TBK1: variants seen among roughly 807,000 people sequenced by gnomAD.
The protein encoded by TBK1 is TANK binding kinase 1.
TBK1 carries 37 observed loss-of-function variants against 99.9 expected under a neutral mutation model. That is an observed-to-expected ratio of 0.37 (90% confidence interval 0.28 to 0.49). The LOEUF (loss-of-function observed/expected upper bound fraction) is 0.49. Among genes scored for constraint, TBK1 ranks in the 20% least tolerant of loss-of-function variants. The pLI is 0.98. For synonymous variants in TBK1, 258 were observed against 279.8 expected (o/e 0.92, Z 0.78); for missense variants, 644 against 872.5 (o/e 0.74, Z 3.30).
chr12:64,484,882 A>T (rs914737215), intron 9 of TBK1, among the ~76,000 whole-genome samples: 1 of 152,220 alleles, frequency 6.6e-6, no homozygotes, highest in African/African-American at 2.4e-5. Context: ...AAAGAGAGTA[A>T]TTGTAAAATT....
intron 3 of TBK1, among the ~76,000 whole-genome samples, chr12:64,462,999 T>C (rs1334921400): frequency 6.6e-6 from 1 of 152,158 alleles, no homozygotes; most frequent in African/African-American, 2.4e-5. Context: ...CTCCATTCCT[T>C]GAAGTAACAG....
At chr12:64,486,507 T>A (rs180948801) in intron 11 of TBK1, among the ~76,000 whole-genome samples, 48 of 151,796 alleles carry the variant, frequency 3.2e-4, no homozygotes, top group African/African-American at 1.1e-3. Flanking sequence ...CAATCACAGA[T>A]CACTGCAGCC....
rs781034590 is a variant in TBK1, at chr12:64,481,898, A to G, written c.869A>G (p.Glu290Gly). ...VLANILEADQ[E>G]KCWGFDQFFA... Reference sequence around the variant, plus strand: ...GCAAACATCCTTGAAGCAGATCAGGAAAAGTGTTGGGGTTTTGACCAGTTT... The same window carrying G: ...GCAAACATCCTTGAAGCAGATCAGGGAAAGTGTTGGGGTTTTGACCAGTTT... Residue 290 changes from glutamate (E) to glycine (G), a missense_variant, in exon 8 of 21, where the codon GAA becomes GGA. By Grantham distance (98) the Glu-to-Gly change is moderately conservative. Transcript: ENST00000331710. The G allele has an allele frequency of 6.2e-7, 1 of 1,610,554 alleles. No homozygotes were observed. The highest frequency in any genetic ancestry group is 2.2e-5 in the East Asian group (1 of 44,506).
At position 64,488,556 on chromosome 12, in the gene TBK1, C is replaced by T; in HGVS notation, c.1410C>T (p.Phe470=). 1 of 1,605,754 alleles carries T rather than the reference C, an allele frequency of 6.2e-7. No homozygotes were observed. Among genetic ancestry groups the T allele is most frequent in the Non-Finnish European group, 8.5e-7 (1 of 1,176,806 alleles). The change falls in exon 12 of 21, where the codon TTC becomes TTT. Residue 470 remains phenylalanine, a synonymous_variant. Coordinates refer to ENST00000331710, the MANE Select transcript of TBK1 (RefSeq NM_013254.4). ...CAGAAGTTGTGATCACATTGGATTT[C>T]TGTATCAGAAACATTGAAAAAACTG... ...KKTEVVITLD[F]CIRNIEKTVK...
chr12:64,458,665 GA>G (rs2040515641), intron 2 of TBK1, among the ~76,000 whole-genome samples: 1 of 152,146 alleles, frequency 6.6e-6, no homozygotes. Context: ...CACAAGTTTG[GA>G]AAATAATGAC....
chr12:64,459,006 GT>G (rs2040519610), intron 2 of TBK1, among the ~76,000 whole-genome samples: 1 of 152,174 alleles, frequency 6.6e-6, no homozygotes, highest in African/African-American at 2.4e-5. Flanking sequence ...TTATGAAGCA[GT>G]TAAATGGCCT....
intron 19 of TBK1, 38 bp from the exon 20 acceptor site, chr12:64,497,930 T>A (rs920585465): frequency 6.4e-7 from 1 of 1,556,376 alleles, no homozygotes; most frequent in Non-Finnish European, 8.8e-7. Context: ...AACATTTGCA[T>A]ACTGTTTTTG....
At chr12:64,453,281 GATAA>G (rs1472261728) in intron 1 of TBK1, among the ~76,000 whole-genome samples, 1 of 152,122 alleles carries the variant, frequency 6.6e-6, no homozygotes, top group African/African-American at 2.4e-5. Context: ...TATCTTAGCT[GATAA>G]ATATTTTTCT....
intron 6 of TBK1, among the ~76,000 whole-genome samples, chr12:64,476,763 G>A (rs2040718581): frequency 6.6e-6 from 1 of 152,128 alleles, no homozygotes; most frequent in African/African-American, 2.4e-5. Context: ...GTATAGAAGA[G>A]TATGTCCTAT....
rs753802322 is a variant in TBK1, at chr12:64,496,403, ATAAG to A, written c.1760+4_1760+7del. On this transcript the variant is annotated splice_donor_variant and coding_sequence_variant, in exon 16 of 21. Transcript: ENST00000331710. LOFTEE classifies it high-confidence loss of function. ...AATGAAGAACAAATCCACAAATTTG[ATAAG>A]TAAGTATCCAGATTATGTTTAATAG... 7.9e-7 allele frequency: 1 copy of A among 1,259,754 alleles called. No individual in the cohort carries two copies. Among genetic ancestry groups the A allele is most frequent in the South Asian group, 1.4e-5 (1 of 71,478 alleles). 78.0% of individuals were successfully genotyped at this position (1,259,754 alleles called of 1,614,324 possible). A position where few individuals can be genotyped will look rare whatever the true frequency, so the allele number is the denominator to read the frequency against.
At chr12:64,464,485 A>G (rs1480701763) in intron 4 of TBK1, 22 bp downstream of exon 4, 2 of 1,512,548 alleles carry the variant, frequency 1.3e-6, no homozygotes, top group Non-Finnish European at 1.8e-6. Flanking sequence ...TATTTATATG[A>G]TATCATTTGT....
Position 64,496,984 on chromosome 12 carries a change from C to T in TBK1, c.1796C>T (p.Thr599Met), listed in dbSNP as rs750562338. The T allele has an allele frequency of 4.4e-5, 71 of 1,612,898 alleles. No homozygotes were observed. The highest frequency in any genetic ancestry group is 2.0e-4 in the South Asian group (18 of 90,908). ...KLYYHATKAM[T>M]HFTDECVKKY... is the part of the protein sequence containing the mutation. Reference sequence around the variant, plus strand: ...TATTACCATGCCACAAAAGCTATGACGCACTTTACAGATGAATGTGTTAAA... The same window carrying T: ...TATTACCATGCCACAAAAGCTATGATGCACTTTACAGATGAATGTGTTAAA... Residue 599 changes from threonine to methionine, a missense_variant, in exon 17 of 21, where the codon ACG (threonine) becomes ATG (methionine). Transcript: ENST00000331710.
chr12:64,469,854 C>A (rs950205503), intron 5 of TBK1, among the ~76,000 whole-genome samples: 14 of 152,024 alleles, frequency 9.2e-5, no homozygotes, highest in African/African-American at 3.4e-4. Flanking sequence ...GCTAGTTCAC[C>A]AGGCCCAGCT....
intron 7 of TBK1, among the ~76,000 whole-genome samples, chr12:64,480,559 G>A (rs1288085050): frequency 6.6e-6 from 1 of 152,004 alleles, no homozygotes; most frequent in Non-Finnish European, 1.5e-5. Flanking sequence ...TTATTCAAAG[G>A]GTGAGAAATA....
chr12:64,497,904 A>G (rs1389729969), intron 19 of TBK1, 64 bp from the exon 20 acceptor site: 3 of 1,501,658 alleles, frequency 2.0e-6, no homozygotes, highest in Non-Finnish European at 2.8e-6. Context: ...AAAATAAAAC[A>G]TAAACATCAT....
intron 5 of TBK1, among the ~76,000 whole-genome samples, chr12:64,470,987 T>C (rs1378364463): frequency 2.0e-5 from 3 of 152,166 alleles, no homozygotes; most frequent in Non-Finnish European, 2.9e-5. Context: ...ATGGGAAATA[T>C]TCAAATACAG....
chr12:64,497,777 A>G (rs2040945250), intron 19 of TBK1, 23 bp downstream of exon 19: 1 of 1,542,272 alleles, frequency 6.5e-7, no homozygotes. Context: ...TCATTTGGAA[A>G]CTGTAGTGTT....
chr12:64,501,132 T>C (rs1160913181), intron 20 of TBK1, among the ~76,000 whole-genome samples, 198 bp from the exon 21 acceptor site: 2 of 152,158 alleles, frequency 1.3e-5, no homozygotes, highest in African/African-American at 4.8e-5. Context: ...GTTTCTTAAT[T>C]ACATCATTAC....
chr12:64,496,982 G>T lies in TBK1; in HGVS notation c.1794G>T (p.Met598Ile). ...TGTATTACCATGCCACAAAAGCTAT[G>T]ACGCACTTTACAGATGAATGTGTTA... ...QKLYYHATKA[M>I]THFTDECVKK... Residue 598 changes from methionine to isoleucine, a missense_variant, in exon 17 of 21, where the codon ATG (methionine) becomes ATT (isoleucine). Physicochemically the swap from Met to Ile is conservative, Grantham distance 10. This residue lies in a region of TBK1 where 465 missense variants were observed against 588.0 expected (regional missense o/e 0.79). Transcript: ENST00000331710. The T allele has an allele frequency of 1.2e-6, 2 of 1,613,090 alleles. No homozygotes were observed. The highest frequency in any genetic ancestry group is 2.2e-5 in the South Asian group (2 of 90,904).
Sources: allele counts gnomAD v4.1 joint callset (sites outside exome capture counted in the v4.1 genomes callset), GRCh38; gene constraint gnomAD v4.1.1; regional missense constraint gnomAD v4.1.1; transcripts MANE v1.5; gene names NCBI Gene and HGNC (gene_info 2026-07-23, HGNC 2026-07-21).